CEP128: variants seen among roughly 807,000 people sequenced by gnomAD.
CEP128 encodes centrosomal protein 128.
Under a neutral mutation model 156.7 loss-of-function variants are expected in CEP128, and 132 were observed. The ratio of observed to expected loss-of-function variants is 0.84; its 90% CI spans 0.73 to 0.97. CEP128 has a LOEUF of 0.97. Among genes scored for constraint, CEP128 ranks in the 50% least tolerant of loss-of-function variants. The probability of loss-of-function intolerance (pLI) is 0.00; values close to 1 mark genes in which losing one functional copy is unlikely to be tolerated. For missense variants in CEP128, 1,252 were observed against 1,281.9 expected, an observed-to-expected ratio of 0.98 and a Z score of 0.36; for synonymous variants, 469 against 448.9, an observed-to-expected ratio of 1.04 and a Z score of -0.57.
intron 2 of CEP128, among the ~76,000 whole-genome samples, chr14:80,930,036 T>C (rs1471041101): frequency 6.6e-6 from 1 of 152,192 alleles, no homozygotes; most frequent in Non-Finnish European, 1.5e-5. Context: ...GCGGTGGCAT[T>C]AGATTGTCCT....
At chr14:80,695,299 G>A (rs1896854314) in intron 19 of CEP128, among the ~76,000 whole-genome samples, 1 of 152,110 alleles carries the variant, frequency 6.6e-6, no homozygotes, top group South Asian at 2.1e-4. Context: ...GAGAGTGGTT[G>A]GAAACCAAGC....
intron 4 of CEP128, among the ~76,000 whole-genome samples, chr14:80,907,525 G>A (rs769358007): frequency 6.6e-6 from 1 of 152,016 alleles, no homozygotes; most frequent in Non-Finnish European, 1.5e-5. Context: ...GGGCATGATG[G>A]CTGGTGCCTG....
intron 2 of CEP128, among the ~76,000 whole-genome samples, chr14:80,934,285 C>A (rs1885655525): frequency 6.6e-6 from 1 of 152,204 alleles, no homozygotes; most frequent in African/African-American, 2.4e-5. Flanking sequence ...ATAATGATTT[C>A]TTGTCTAAGA....
At chr14:80,909,307 T>C (rs1251604872) in intron 4 of CEP128, among the ~76,000 whole-genome samples, 2 of 152,018 alleles carry the variant, frequency 1.3e-5, no homozygotes, top group East Asian at 1.9e-4. Flanking sequence ...GCATCCTTTT[T>C]ATGTAGGCTT....
chr14:80,549,297 G>C (rs1258862438), intron 21 of CEP128, among the ~76,000 whole-genome samples: 1 of 152,132 alleles, frequency 6.6e-6, no homozygotes, highest in Non-Finnish European at 1.5e-5. Flanking sequence ...ACCTTTTTCC[G>C]GTTTCAGTTT....
chr14:80,732,471 G>GGTTT (rs780560304), intron 19 of CEP128, among the ~76,000 whole-genome samples: 1 of 127,646 alleles, frequency 7.8e-6, no homozygotes, highest in Non-Finnish European at 1.7e-5. Flanking sequence ...TGATTAAGCA[G>GGTTT]GTGTGTGTGT....
chr14:80,483,972 T>C (rs1887106309), intron 14 of CEP128, among the ~76,000 whole-genome samples: 1 of 152,092 alleles, frequency 6.6e-6, no homozygotes, highest in Non-Finnish European at 1.5e-5. Context: ...CTAATCTTGA[T>C]TCCTTTTTCT....
chr14:80,828,940 C>A (rs548011386), intron 13 of CEP128, among the ~76,000 whole-genome samples: 1 of 152,134 alleles, frequency 6.6e-6, no homozygotes, highest in East Asian at 1.9e-4. Flanking sequence ...TCCATACTAC[C>A]CAATATTTTC....
chr14:80,757,768 G>A (rs1299316732), intron 17 of CEP128, among the ~76,000 whole-genome samples: 1 of 152,192 alleles, frequency 6.6e-6, no homozygotes, highest in Non-Finnish European at 1.5e-5. Flanking sequence ...TGAGCTGTGT[G>A]CACATTGCTT....
intron 19 of CEP128, among the ~76,000 whole-genome samples, chr14:80,667,012 A>G (rs1020474660): frequency 1.3e-5 from 2 of 152,178 alleles, no homozygotes; most frequent in African/African-American, 4.8e-5. Context: ...AGGACCCCAA[A>G]CAAAGCAAAC....
intron 8 of CEP128, among the ~76,000 whole-genome samples, chr14:80,864,561 AT>A (rs559840411): frequency 2.2e-3 from 316 of 144,510 alleles, no homozygotes; most frequent in Admixed American, 2.7e-3. Flanking sequence ...TTGTTTCTCA[AT>A]TTTTTTTTTT....
At chr14:80,874,282 C>G in intron 8 of CEP128, among the ~76,000 whole-genome samples, 1 of 151,782 alleles carries the variant, frequency 6.6e-6, no homozygotes, top group East Asian at 1.9e-4. Context: ...TGGCCAACAT[C>G]GCGAAACCCT....
chr14:80,699,767 T>C (rs1447154435), intron 19 of CEP128, among the ~76,000 whole-genome samples: 1 of 152,130 alleles, frequency 6.6e-6, no homozygotes, highest in Non-Finnish European at 1.5e-5. Context: ...TTCTGTGATT[T>C]ATCTGGAAGG....
At chr14:80,816,105 A>AT (rs936893184) in intron 13 of CEP128, among the ~76,000 whole-genome samples, 1 of 152,146 alleles carries the variant, frequency 6.6e-6, no homozygotes, top group African/African-American at 2.4e-5. Context: ...ATTTGTATAC[A>AT]TTTTTTAAAG....
rs561538643 is a variant in CEP128, at chr14:80,820,762, C to T, written c.1209+10381G>A. On this transcript the variant is annotated intron_variant, in intron 13 of 24. Transcript: ENST00000555265. ...AAATTGTACCAGTATAAGGTTTACA[C>T]TACAGAACACTAGTCCATCACTCAC... Among the ~76,000 whole-genome samples the T allele has an allele frequency of 2.0e-5, 3 of 152,292 alleles. No homozygotes were observed. In the South Asian group the frequency reaches 6.2e-4, roughly 32 times the overall value.
At chr14:80,949,904 G>A (rs1054512571) in intron 2 of CEP128, among the ~76,000 whole-genome samples, 1 of 151,986 alleles carries the variant, frequency 6.6e-6, no homozygotes, top group East Asian at 1.9e-4. Context: ...ATATATATTC[G>A]AATTATCAAA....
At chr14:80,842,145 C>G (rs901086973) in intron 9 of CEP128, among the ~76,000 whole-genome samples, 10 of 152,018 alleles carry the variant, frequency 6.6e-5, no homozygotes, top group Admixed American at 4.6e-4. Context: ...TCTATTATAG[C>G]TCTACTTGCT....
intron 21 of CEP128, among the ~76,000 whole-genome samples, chr14:80,543,772 T>C (rs1354603931): frequency 2.0e-5 from 3 of 152,208 alleles, no homozygotes; most frequent in Non-Finnish European, 4.4e-5. Flanking sequence ...TTGTGGCTGG[T>C]AGCAAATAGG....
intron 9 of CEP128, among the ~76,000 whole-genome samples, chr14:80,862,266 T>C (rs921866223): frequency 1.3e-5 from 2 of 152,142 alleles, no homozygotes; most frequent in African/African-American, 4.8e-5. Flanking sequence ...CCACAGACAA[T>C]CTATCAATGA....
Sources: allele counts gnomAD v4.1 joint callset (sites outside exome capture counted in the v4.1 genomes callset), GRCh38; gene constraint gnomAD v4.1.1; transcripts MANE v1.5; gene names NCBI Gene and HGNC (gene_info 2026-07-23, HGNC 2026-07-21).